The following RPS6KA5 variants were observed in gnomAD, a reference collection of about 807,000 sequenced individuals.
The protein encoded by RPS6KA5 is ribosomal protein S6 kinase A5.
In RPS6KA5, 27 loss-of-function variants were observed where a neutral mutation model predicts 85.5. The observed-to-expected ratio is 0.32, with a 90% CI of 0.23 to 0.44. The LOEUF is 0.44. Ranked by LOEUF, RPS6KA5 falls within the 20% of genes least tolerant of loss-of-function variation. The probability of loss-of-function intolerance (pLI) is 1.00; values close to 1 mark genes in which losing one functional copy is unlikely to be tolerated. For synonymous variants in RPS6KA5, 334 were observed against 348.2 expected (o/e 0.96, Z 0.46); for missense variants, 811 against 980.9 (o/e 0.83, Z 2.31).
rs1369985578 is a variant in RPS6KA5, at chr14:90,861,872, T to C, written c.*10202A>G. The C allele has an allele frequency of 7.7e-6, 1 of 129,260 alleles. No individual in the cohort carries two copies. Among genetic ancestry groups the C allele is most frequent in the African/African-American group, 3.1e-5 (1 of 32,534 alleles). 8.0% of individuals were successfully genotyped at this position (129,260 alleles called of 1,614,324 possible). A position where few individuals can be genotyped will look rare whatever the true frequency, so the allele number is the denominator to read the frequency against. ...AAGATCGTGCCACTGCACTGCAGCC[T>C]GGCGACAAAGACTCCATCTCAAAAA... On this transcript the variant is annotated 3_prime_UTR_variant, in exon 17 of 17. Transcript: ENST00000614987.
At chr14:90,961,935 A>G (rs1020946704) in intron 3 of RPS6KA5, among the ~76,000 whole-genome samples, 2 of 152,246 alleles carry the variant, frequency 1.3e-5, no homozygotes, top group South Asian at 2.1e-4. Context: ...ATTTGGCAAC[A>G]TAGAAGAGCT....
intron 1 of RPS6KA5, among the ~76,000 whole-genome samples, chr14:91,045,556 G>A (rs1003743291): frequency 2.2e-4 from 34 of 152,262 alleles, no homozygotes; most frequent in African/African-American, 6.0e-4. Context: ...GAGCCACCGC[G>A]CCTGGCCTTT....
intron 2 of RPS6KA5, among the ~76,000 whole-genome samples, chr14:90,980,981 G>C (rs959590392): frequency 2.6e-5 from 4 of 152,326 alleles, no homozygotes; most frequent in Admixed American, 2.0e-4. Flanking sequence ...AGACCAGCCT[G>C]ATCAACATGG....
intron 3 of RPS6KA5, among the ~76,000 whole-genome samples, chr14:90,972,177 CTAAAT>C (rs1175871931): frequency 6.6e-6 from 1 of 152,150 alleles, no homozygotes; most frequent in East Asian, 1.9e-4. Flanking sequence ...TCAAGTCTCC[CTAAAT>C]TAATTTTTTA....
chr14:90,949,785 G>A (rs1034177913), intron 3 of RPS6KA5, among the ~76,000 whole-genome samples: 1 of 152,136 alleles, frequency 6.6e-6, no homozygotes, highest in Non-Finnish European at 1.5e-5. Context: ...ATGAATTATT[G>A]TTACTTGGGA....
chr14:90,961,981 A>G (rs578195145), intron 3 of RPS6KA5, among the ~76,000 whole-genome samples: 1 of 152,380 alleles, frequency 6.6e-6, no homozygotes, highest in East Asian at 1.9e-4. Context: ...AGAACCTCAA[A>G]GTATCTGCAG....
At chr14:90,968,798 C>T (rs549347971) in intron 3 of RPS6KA5, among the ~76,000 whole-genome samples, 1 of 152,320 alleles carries the variant, frequency 6.6e-6, no homozygotes, top group South Asian at 2.1e-4. Context: ...AAAAAGACAA[C>T]TGATATATTA....
chr14:90,945,357 G>A (rs1420410169), intron 4 of RPS6KA5, among the ~76,000 whole-genome samples: 1 of 152,212 alleles, frequency 6.6e-6, no homozygotes, highest in Non-Finnish European at 1.5e-5. Flanking sequence ...ATATTGAACA[G>A]ACATTGACTT....
At chr14:90,972,227 T>C (rs1028768821) in intron 3 of RPS6KA5, among the ~76,000 whole-genome samples, 1 of 152,174 alleles carries the variant, frequency 6.6e-6, no homozygotes, top group Admixed American at 6.5e-5. Flanking sequence ...ACCTTACGGT[T>C]TTTCCCCCCA....
intron 1 of RPS6KA5, among the ~76,000 whole-genome samples, chr14:91,014,536 T>TATTATAAAGA (rs1436436306): frequency 1.3e-5 from 2 of 150,790 alleles, no homozygotes; most frequent in Non-Finnish European, 3.0e-5. Flanking sequence ...AAAAAATGAG[T>TATTATAAAGA]ATTATAAAGA....
chr14:90,919,729 GAAAGA>G (rs1458717331), intron 7 of RPS6KA5, among the ~76,000 whole-genome samples: 10 of 152,074 alleles, frequency 6.6e-5, no homozygotes, highest in Admixed American at 2.0e-4. Context: ...TAGCTGCTCT[GAAAGA>G]AAAGAAGAGA....
At chr14:90,983,787 T>TTCTCTCTCTCTCTCTCTCTCTC (rs770148887) in intron 2 of RPS6KA5, among the ~76,000 whole-genome samples, 1 of 129,334 alleles carries the variant, frequency 7.7e-6, no homozygotes, top group Non-Finnish European at 1.6e-5. Flanking sequence ...CTTTCTTTCT[T>TTCTCTCTCTCTCTCTCTCTCTC]TCTCTCTCTC....
chr14:90,962,019 T>C (rs1341851648), intron 3 of RPS6KA5, among the ~76,000 whole-genome samples: 3 of 152,180 alleles, frequency 2.0e-5, no homozygotes, highest in African/African-American at 7.2e-5. Context: ...GTTCAGTTGT[T>C]AGAAATAATA....
chr14:90,957,401 G>C (rs1296220807), intron 3 of RPS6KA5, among the ~76,000 whole-genome samples: 14 of 152,056 alleles, frequency 9.2e-5, no homozygotes, highest in Non-Finnish European at 5.9e-5. Context: ...TTAATAACTT[G>C]GCTTGACTAT....
At chr14:90,890,827 G>T in intron 13 of RPS6KA5, 149 bp from the exon 14 acceptor site, 1 of 593,682 alleles carries the variant, frequency 1.7e-6, no homozygotes, top group Non-Finnish European at 2.9e-6. Context: ...TCAATACACT[G>T]CTGCTCTCTG....
At chr14:91,003,303 TAAG>T (rs964464085) in intron 1 of RPS6KA5, among the ~76,000 whole-genome samples, 5 of 152,208 alleles carry the variant, frequency 3.3e-5, no homozygotes, top group African/African-American at 7.2e-5. Context: ...GCTGCTACAC[TAAG>T]AAGATAAGGA....
intron 3 of RPS6KA5, among the ~76,000 whole-genome samples, chr14:90,969,417 T>C (rs966126864): frequency 1.3e-5 from 2 of 152,210 alleles, no homozygotes; most frequent in Non-Finnish European, 2.9e-5. Context: ...TATTAGCAGA[T>C]GGAGAAAGTG....
At chr14:91,043,160 GTTTTCTCCTGGT>G (rs888554059) in intron 1 of RPS6KA5, among the ~76,000 whole-genome samples, 2 of 152,002 alleles carry the variant, frequency 1.3e-5, no homozygotes, top group African/African-American at 4.8e-5. Context: ...ACTTTCCTAG[GTTTTCTCCTGGT>G]TTTTCTTCTG....
At position 90,903,066 on chromosome 14, in the gene RPS6KA5, A is replaced by G. The variant is rs190438600; in HGVS notation, c.958-97T>C. On this transcript the variant is annotated intron_variant, in intron 8 of 16. Coordinates refer to ENST00000614987, the MANE Select transcript of RPS6KA5 (RefSeq NM_004755.4). ...AATTAGGATTTTGACTGGTAGGGAG[A>G]GAGGATAAAAATAAGAGAACATATT... is the stretch of plus-strand genomic sequence containing the variant. 1.2e-4 allele frequency: 119 copies of G among 1,013,282 alleles called. 1 individual carries two copies. The highest frequency in any genetic ancestry group is 4.9e-4 in the Admixed American group (21 of 42,864). The allele number at this position is 1,013,282 out of a possible 1,614,324, so 62.8% of individuals were successfully genotyped here. A position where few individuals can be genotyped will look rare whatever the true frequency, so the allele number is the denominator to read the frequency against.
Sources: allele counts gnomAD v4.1 joint callset (sites outside exome capture counted in the v4.1 genomes callset), GRCh38; gene constraint gnomAD v4.1.1; transcripts MANE v1.5; gene names NCBI Gene and HGNC (gene_info 2026-07-23, HGNC 2026-07-21).